MIEF1: variants seen among roughly 807,000 people sequenced by gnomAD.
MIEF1 encodes the protein mitochondrial elongation factor 1, also known as mitochondrial dynamics protein MIEF1.
Under a neutral mutation model 35.1 loss-of-function variants are expected in MIEF1, and 14 were observed. The ratio of observed to expected loss-of-function variants is 0.40; its 90% confidence interval spans 0.26 to 0.62. The LOEUF is 0.62. Ranked by LOEUF, MIEF1 falls within the 20% of genes least tolerant of loss-of-function variation. The pLI is 0.43. For synonymous variants in MIEF1, 245 were observed against 254.3 expected, an observed-to-expected ratio of 0.96 and a Z score of 0.35; for missense variants, 542 against 615.4, an observed-to-expected ratio of 0.88 and a Z score of 1.26.
Position 39,515,121 on chromosome 22 carries a change from C to G in MIEF1, c.*798C>G. On this transcript the variant is annotated 3_prime_UTR_variant, in exon 6 of 6. Transcript: ENST00000325301. ...AGGGTTTGTGTGCCCAGTGTCTGCT[C>G]GTCATCTGTGGCTGCAGGGGTCAGA... The G allele has an allele frequency of 1.6e-6, 1 of 626,374 alleles. No homozygotes were observed. 38.8% of individuals were successfully genotyped at this position (626,374 alleles called of 1,614,324 possible). A position where few individuals can be genotyped will look rare whatever the true frequency, so the allele number is the denominator to read the frequency against.
In MIEF1 at chr22:39,504,364, T is replaced by A. The variant is rs1329804584; in HGVS notation, c.-178T>A. 2 of 398,838 alleles carry A rather than the reference T, an allele frequency of 5.0e-6. No homozygotes were observed. Among genetic ancestry groups the A allele is most frequent in the Non-Finnish European group, 8.8e-6 (2 of 226,070 alleles). The allele number at this position is 398,838 out of a possible 1,614,324, so 24.7% of individuals were successfully genotyped here. On this transcript the variant is annotated 5_prime_UTR_variant, in exon 2 of 6. Coordinates refer to ENST00000325301, the MANE Select transcript of MIEF1 (RefSeq NM_019008.6). ...CGTGAATTCCGAAAAAATCAGAAGC[T>A]AGAGGACGCTGAGGCCCGGGAGAGG...
chr22:39,502,301 T>TGCTCCCTTCAGCCCCTTCGC lies in MIEF1; in HGVS notation c.-475_-456dup, dbSNP rs1273941683. The TGCTCCCTTCAGCCCCTTCGC allele has an allele frequency of 6.6e-6, 1 of 152,378 alleles. No homozygotes were observed. Among genetic ancestry groups the TGCTCCCTTCAGCCCCTTCGC allele is most frequent in the East Asian group, 1.9e-4 (1 of 5,202 alleles). The allele number at this position is 152,378 out of a possible 1,614,324, so 9.4% of individuals were successfully genotyped here. ...GTCCCTCCGCCTCCACTCGCCCTCG[T>TGCTCCCTTCAGCCCCTTCGC]GCTCCCTTCAGCCCCTTCGCAGCTC... On this transcript the variant is annotated 5_prime_UTR_variant, in exon 1 of 6. Transcript: ENST00000325301.
chr22:39,511,788 A>C, intron 3 of MIEF1, 61 bp from the exon 4 acceptor site: 1 of 1,532,290 alleles, frequency 6.5e-7, no homozygotes, highest in Non-Finnish European at 8.8e-7. Flanking sequence ...GGAGGAAGTA[A>C]ATTGGAAGGA....
At chr22:39,504,023 G>A (rs1333599351) in intron 1 of MIEF1, 180 bp from the exon 2 acceptor site, 1 of 385,850 alleles carries the variant, frequency 2.6e-6, no homozygotes, top group African/African-American at 2.1e-5. Flanking sequence ...CAACCTGTAT[G>A]TTTCCAGAAT....
In MIEF1 at chr22:39,504,370, A is replaced by T. The variant is rs1463674920; in HGVS notation, c.-172A>T. On this transcript the variant is annotated 5_prime_UTR_variant, in exon 2 of 6. Coordinates refer to ENST00000325301, the MANE Select transcript of MIEF1 (RefSeq NM_019008.6). ...TTCCGAAAAAATCAGAAGCTAGAGG[A>T]CGCTGAGGCCCGGGAGAGGCAGCTG... 2.5e-6 allele frequency: 1 copy of T among 398,820 alleles called. No individual in the cohort carries two copies. Among genetic ancestry groups the T allele is most frequent in the Non-Finnish European group, 4.4e-6 (1 of 226,080 alleles). The allele number at this position is 398,820 out of a possible 1,614,324, so 24.7% of individuals were successfully genotyped here.
At chr22:39,509,161 G>T (rs375326406) in intron 2 of MIEF1, among the ~76,000 whole-genome samples, 1 of 152,032 alleles carries the variant, frequency 6.6e-6, no homozygotes, top group Non-Finnish European at 1.5e-5. Context: ...TCACTATGTT[G>T]GCCAGGCTGG....
At chr22:39,511,607 T>A (rs1381622267) in intron 3 of MIEF1, among the ~76,000 whole-genome samples, 169 bp downstream of exon 3, 1 of 152,244 alleles carries the variant, frequency 6.6e-6, no homozygotes, top group African/African-American at 2.4e-5. Flanking sequence ...TACATGCATC[T>A]AGAAAGAAAC....
At chr22:39,504,097 C>CG (rs981950523) in intron 1 of MIEF1, 106 bp from the exon 2 acceptor site, 32 of 396,436 alleles carry the variant, frequency 8.1e-5, no homozygotes, top group South Asian at 2.9e-4. Context: ...TGACCTGGAG[C>CG]GGGGGGTCTC....
In MIEF1 at chr22:39,512,022, C is replaced by T; in HGVS notation, c.318C>T (p.Asp106=). The change falls in exon 4 of 6, where the codon GAC becomes GAT. Residue 106 remains aspartate, a synonymous_variant. Coordinates refer to ENST00000325301, the MANE Select transcript of MIEF1 (RefSeq NM_019008.6). ...QTLPTDSSTF[D]TDTFCPPRPK... Reference sequence around the variant, plus strand: ...TTCCCACAGACTCCTCCACCTTCGACACAGGTGAGAAGGGCTGCTGCCCCT... The same window carrying T: ...TTCCCACAGACTCCTCCACCTTCGATACAGGTGAGAAGGGCTGCTGCCCCT... 1 of 1,612,274 alleles carries T rather than the reference C, an allele frequency of 6.2e-7. No individual in the cohort carries two copies. Among genetic ancestry groups the T allele is most frequent in the South Asian group, 1.1e-5 (1 of 90,998 alleles).
At chr22:39,504,109 G>A (rs1601741746) in intron 1 of MIEF1, 94 bp from the exon 2 acceptor site, 1 of 397,168 alleles carries the variant, frequency 2.5e-6, no homozygotes, top group African/African-American at 2.1e-5. Context: ...GGGGGTCTCT[G>A]GAACTTGGAT....
At chr22:39,504,085 G>A (rs6001612) in intron 1 of MIEF1, 118 bp from the exon 2 acceptor site, 7 of 395,526 alleles carry the variant, frequency 1.8e-5, no homozygotes, top group Non-Finnish European at 3.1e-5. Context: ...TAAGTCATAC[G>A]GTGACCTGGA....
chr22:39,511,167 CAAG>C, intron 2 of MIEF1, 118 bp from the exon 3 acceptor site: 7 of 1,275,132 alleles, frequency 5.5e-6, no homozygotes, highest in Non-Finnish European at 7.7e-6. Context: ...GTGCTGGAGG[CAAG>C]AAGATTTGGG....
rs1930579841 is a variant in MIEF1 at position 39,514,938 on chromosome 22, C to G, written c.*615C>G. On this transcript the variant is annotated 3_prime_UTR_variant, in exon 6 of 6. Transcript: ENST00000325301. ...AGAAGTCCATCCTCCCCCCAACCTC[C>G]TGACCCATTCATAAATGCTGAGAAT... 2.8e-6 allele frequency: 1 copy of G among 359,688 alleles called. No homozygotes were observed. Among genetic ancestry groups the G allele is most frequent in the South Asian group, 3.8e-5 (1 of 26,050 alleles). 22.3% of individuals were successfully genotyped at this position (359,688 alleles called of 1,614,324 possible).
intron 2 of MIEF1, among the ~76,000 whole-genome samples, chr22:39,505,107 T>C (rs1321306503): frequency 6.6e-6 from 1 of 151,902 alleles, no homozygotes; most frequent in African/African-American, 2.4e-5. Flanking sequence ...GGCAGGAGAA[T>C]TGCTTGAACC....
At chr22:39,506,376 C>T (rs531845914) in intron 2 of MIEF1, among the ~76,000 whole-genome samples, 12 of 152,254 alleles carry the variant, frequency 7.9e-5, no homozygotes, top group Non-Finnish European at 1.5e-4. Flanking sequence ...TAGTTCTCCG[C>T]ACCGCGTGAT....
rs1426918063 is a variant in MIEF1 at position 39,515,559 on chromosome 22, G to T, written c.*1236G>T. 3 of 577,810 alleles carry T rather than the reference G, an allele frequency of 5.2e-6. No individual in the cohort carries two copies. The highest frequency in any genetic ancestry group is 9.2e-6 in the Non-Finnish European group (3 of 325,604). The allele number at this position is 577,810 out of a possible 1,614,324, so 35.8% of individuals were successfully genotyped here. The stretch of plus-strand genomic sequence containing the variant: ...ACCTGGGGAGATCGGTGCTACCAAG[G>T]AAGAGAGCACACAGATAAGACAGAG... On this transcript the variant is annotated 3_prime_UTR_variant, in exon 6 of 6. Transcript: ENST00000325301.
At chr22:39,510,934 G>GT (rs1236804104) in intron 2 of MIEF1, among the ~76,000 whole-genome samples, 8 of 152,198 alleles carry the variant, frequency 5.3e-5, no homozygotes, top group African/African-American at 1.9e-4. Context: ...TTGTGAAGGG[G>GT]TAGAGACCTG....
intron 2 of MIEF1, among the ~76,000 whole-genome samples, chr22:39,505,621 G>A (rs1929976142): frequency 6.6e-6 from 1 of 152,204 alleles, no homozygotes; most frequent in African/African-American, 2.4e-5. Context: ...AGATTGTAAT[G>A]TATATCTTCT....
At chr22:39,503,965 CAT>C (rs1929885624) in intron 1 of MIEF1, 1 of 344,014 alleles carries the variant, frequency 2.9e-6, no homozygotes, top group African/African-American at 2.1e-5. Flanking sequence ...TGCCCAAAGT[CAT>C]ATGGCAAGTA....
Sources: gnomAD v4.1 joint callset for allele counts (sites outside exome capture counted in the v4.1 genomes callset) on GRCh38, gnomAD v4.1.1 for gene constraint, MANE v1.5 for transcripts, NCBI Gene and HGNC (gene_info 2026-07-23, HGNC 2026-07-21) for gene names.